Variants in GABRA2 observed in about 807,000 individuals in gnomAD.
GABRA2 encodes gamma-aminobutyric acid receptor subunit alpha-2.
A neutral mutation model predicts 48.7 loss-of-function variants in GABRA2; 16 were observed. That is an observed-to-expected ratio of 0.33 (90% CI 0.22 to 0.50). The LOEUF is 0.50. Ranked by LOEUF, GABRA2 falls within the 20% of genes least tolerant of loss-of-function variation. The pLI, the probability that GABRA2 is intolerant of heterozygous loss-of-function variation, is 0.98. For synonymous variants in GABRA2, 185 were observed against 184.5 expected (o/e 1.00, Z -0.02); for missense variants, 275 against 535.6 (o/e 0.51, Z 4.80).
chr4:46,373,876 C>G (rs1163334932), intron 3 of GABRA2, among the ~76,000 whole-genome samples: 1 of 152,128 alleles, frequency 6.6e-6, no homozygotes, highest in Non-Finnish European at 1.5e-5. Context: ...CTTACATGCC[C>G]TAGATAGCTA....
At chr4:46,274,556 C>T (rs898462664) in intron 8 of GABRA2, among the ~76,000 whole-genome samples, 3 of 151,972 alleles carry the variant, frequency 2.0e-5, no homozygotes, top group African/African-American at 7.2e-5. Flanking sequence ...TCTGCTTGTG[C>T]CACAGCAATG....
intron 8 of GABRA2, 147 bp downstream of exon 8, chr4:46,303,313 G>A (rs1726073264): frequency 1.4e-6 from 1 of 710,532 alleles, no homozygotes; most frequent in South Asian, 1.6e-5. Context: ...TTACCACTCT[G>A]AGCCTACTTC....
chr4:46,343,637 C>T (rs936511132), intron 3 of GABRA2, among the ~76,000 whole-genome samples: 1 of 151,942 alleles, frequency 6.6e-6, no homozygotes, highest in Admixed American at 6.6e-5. Flanking sequence ...GCACAGCTAA[C>T]ATGCACGCTT....
chr4:46,287,285 T>TTAG (rs1722735575), intron 8 of GABRA2, among the ~76,000 whole-genome samples: 1 of 123,402 alleles, frequency 8.1e-6, no homozygotes, highest in Non-Finnish European at 1.9e-5. Flanking sequence ...TTCCTCCAGC[T>TTAG]TTGTTCTTGT....
In GABRA2 at chr4:46,312,216, T is replaced by A. The variant is rs555366647; in HGVS notation, c.476+280A>T. On this transcript the variant is annotated intron_variant, in intron 5 of 9. Transcript: ENST00000381620. Reference sequence around the variant, plus strand: ...GTAAAATTCAAATCATTATTAAAAATGTACTTAATAAAAATGTCGTGAAGA... The same window carrying A: ...GTAAAATTCAAATCATTATTAAAAAAGTACTTAATAAAAATGTCGTGAAGA... Among the ~76,000 whole-genome samples the A allele has an allele frequency of 6.6e-5, 9 of 135,478 alleles. No individual in the cohort carries two copies. The East Asian group carries it at 1.7e-3, about 26-fold the overall frequency. The allele number at this position is 135,478 out of a possible 152,430, so 88.9% of individuals were successfully genotyped here. A position where few individuals can be genotyped will look rare whatever the true frequency, so the allele number is the denominator to read the frequency against.
chr4:46,379,529 T>C (rs1254810700), intron 3 of GABRA2, among the ~76,000 whole-genome samples: 1 of 152,230 alleles, frequency 6.6e-6, no homozygotes, highest in Non-Finnish European at 1.5e-5. Flanking sequence ...AATAATAAAA[T>C]GCAGTGTTCC....
At chr4:46,271,514 A>G (rs1459259417) in intron 8 of GABRA2, among the ~76,000 whole-genome samples, 1 of 151,982 alleles carries the variant, frequency 6.6e-6, no homozygotes, top group Non-Finnish European at 1.5e-5. Context: ...AAAGGTTATA[A>G]TTTTTAACAC....
At chr4:46,325,837 T>G (rs1276189203) in intron 4 of GABRA2, among the ~76,000 whole-genome samples, 1 of 152,042 alleles carries the variant, frequency 6.6e-6, no homozygotes, top group Non-Finnish European at 1.5e-5. Flanking sequence ...AAGGAGTCCT[T>G]ACCCCACTGC....
At chr4:46,336,176 C>G (rs1010011814) in intron 3 of GABRA2, among the ~76,000 whole-genome samples, 1 of 152,132 alleles carries the variant, frequency 6.6e-6, no homozygotes, top group Non-Finnish European at 1.5e-5. Flanking sequence ...CAAATTATTT[C>G]TCATTTTAAT....
rs1446942756 is a variant in GABRA2 at position 46,368,669 on chromosome 4, G to A, written c.187+17405C>T. ...AGGCTGCAAACTAATACTCAAGTGT[G>A]ATTTGTTTGGGAAGCACAGATTTTG... On this transcript the variant is annotated intron_variant, in intron 3 of 9. Coordinates refer to ENST00000381620, the MANE Select transcript of GABRA2 (RefSeq NM_000807.4). 23 of 297,832 alleles carry A rather than the reference G, an allele frequency of 7.7e-5. No individual in the cohort carries two copies. The East Asian group carries it at 1.3e-3, about 17-fold the overall frequency. The allele number at this position is 297,832 out of a possible 1,614,324, so 18.4% of individuals were successfully genotyped here.
chr4:46,349,298 G>A (rs1054150099), intron 3 of GABRA2, among the ~76,000 whole-genome samples: 1 of 151,782 alleles, frequency 6.6e-6, no homozygotes, highest in African/African-American at 2.4e-5. Context: ...TTGAAATATG[G>A]CTTTTATGTA....
chr4:46,315,942 TACACACAC>T (rs969052829), intron 4 of GABRA2, among the ~76,000 whole-genome samples: 6 of 148,216 alleles, frequency 4.0e-5, no homozygotes, highest in Non-Finnish European at 6.0e-5. Flanking sequence ...AGTACATATA[TACACACAC>T]ACACACACAC....
chr4:46,308,239 A>C (rs952589807), intron 6 of GABRA2, among the ~76,000 whole-genome samples: 4 of 152,204 alleles, frequency 2.6e-5, no homozygotes, highest in African/African-American at 7.2e-5. Context: ...CAAGTTAAAC[A>C]ACAAGGAAAA....
intron 9 of GABRA2, chr4:46,256,221 C>A: frequency 1.5e-6 from 1 of 686,190 alleles, no homozygotes; most frequent in Non-Finnish European, 2.7e-6. Context: ...GTTAAACAGT[C>A]CATCCACTTC....
chr4:46,284,959 A>G (rs1316827777), intron 8 of GABRA2, among the ~76,000 whole-genome samples: 1 of 151,376 alleles, frequency 6.6e-6, no homozygotes, highest in Non-Finnish European at 1.5e-5. Context: ...AAAGTGAGAA[A>G]TTTAAAGAAG....
chr4:46,354,856 T>C (rs1442347824), intron 3 of GABRA2, among the ~76,000 whole-genome samples: 2 of 152,156 alleles, frequency 1.3e-5, no homozygotes, highest in African/African-American at 4.8e-5. Flanking sequence ...ACTCTTTTTG[T>C]ACACATTACA....
rs201731478 is a variant in GABRA2 at position 46,389,049 on chromosome 4, A to G, written c.-10-333T>C. ...ACTGTTTTGCGCACACGTAATAATA[A>G]CACCCTGGACTTTAAACTGGCATAG... is the stretch of plus-strand genomic sequence containing the variant. On this transcript the variant is annotated intron_variant, in intron 1 of 9. Coordinates refer to ENST00000381620, the MANE Select transcript of GABRA2 (RefSeq NM_000807.4). 9.9e-5 allele frequency: 104 copies of G among 1,053,500 alleles called. 1 individual carries two copies. The African/African-American group carries it at 1.6e-3, about 17-fold the overall frequency. The allele number at this position is 1,053,500 out of a possible 1,614,324, so 65.3% of individuals were successfully genotyped here.
chr4:46,278,776 A>G (rs1306973024), intron 8 of GABRA2, among the ~76,000 whole-genome samples: 1 of 152,076 alleles, frequency 6.6e-6, no homozygotes. Context: ...AAGTATTTCT[A>G]GCTTTAAATA....
chr4:46,266,076 C>T (rs1331630289), intron 8 of GABRA2, among the ~76,000 whole-genome samples: 2 of 151,670 alleles, frequency 1.3e-5, no homozygotes, highest in Non-Finnish European at 2.9e-5. Flanking sequence ...TGTTTAATGG[C>T]CTAATGCATT....
Sources: gnomAD v4.1 joint callset for allele counts (sites outside exome capture counted in the v4.1 genomes callset) on GRCh38, gnomAD v4.1.1 for gene constraint, MANE v1.5 for transcripts, NCBI Gene and HGNC (gene_info 2026-07-23, HGNC 2026-07-21) for gene names.